The following ADAM22 variants were observed in gnomAD, a reference collection of about 807,000 sequenced individuals.
ADAM22 encodes disintegrin and metalloproteinase domain-containing protein 22.
Under a neutral mutation model 144.6 loss-of-function variants are expected in ADAM22, and 65 were observed. That is an observed-to-expected ratio of 0.45 (90% confidence interval 0.37 to 0.55). The LOEUF (loss-of-function observed/expected upper bound fraction) is 0.55, where lower values mean the gene tolerates loss of function less well. Among genes scored for constraint, ADAM22 ranks in the 20% least tolerant of loss-of-function variants. ADAM22 has a pLI of 0.00. For missense variants in ADAM22, 974 were observed against 1,184.9 expected, an observed-to-expected ratio of 0.82 and a Z score of 2.61; for synonymous variants, 391 against 412.6, an observed-to-expected ratio of 0.95 and a Z score of 0.63.
At chr7:88,186,772 GCTCT>G in intron 30 of ADAM22, 71 bp downstream of exon 30, 4 of 960,018 alleles carry the variant, frequency 4.2e-6, no homozygotes, top group Non-Finnish European at 4.9e-6. Flanking sequence ...AGTGTGACTG[GCTCT>G]CTATCTTGTA....
chr7:88,156,948 G>A (rs1175275691), intron 22 of ADAM22, among the ~76,000 whole-genome samples: 6 of 149,476 alleles, frequency 4.0e-5, no homozygotes, highest in African/African-American at 9.9e-5. Context: ...ACAATGAAGG[G>A]GAAAAAAACA....
intron 23 of ADAM22, among the ~76,000 whole-genome samples, chr7:88,165,469 GGAAGGAAACCTTTGTATTAGATAATT>G (rs1170230913): frequency 1.3e-5 from 2 of 152,142 alleles, no homozygotes; most frequent in Middle Eastern, 3.4e-3. Flanking sequence ...TACTATGGAA[GGAAGGAAACCTTTGTATTAGATAATT>G]GACAGATGAT....
chr7:88,108,669 C>T (rs1462611702), intron 5 of ADAM22, among the ~76,000 whole-genome samples: 1 of 151,794 alleles, frequency 6.6e-6, no homozygotes, highest in Non-Finnish European at 1.5e-5. Flanking sequence ...GTGAAGGTTG[C>T]AGTGAGCCAA....
chr7:88,081,292 C>T (rs1383175392), intron 4 of ADAM22, among the ~76,000 whole-genome samples: 4 of 151,998 alleles, frequency 2.6e-5, no homozygotes, highest in African/African-American at 9.7e-5. Flanking sequence ...ATTCAACAGC[C>T]CTTCATGCTA....
chr7:88,070,654 G>T (rs756921536), intron 3 of ADAM22, among the ~76,000 whole-genome samples: 4 of 150,932 alleles, frequency 2.7e-5, no homozygotes, highest in Non-Finnish European at 5.9e-5. Context: ...GATGTCTCCA[G>T]TTTTTTTTTC....
intron 3 of ADAM22, among the ~76,000 whole-genome samples, chr7:87,991,322 T>C (rs1291900320): frequency 6.6e-6 from 1 of 150,454 alleles, no homozygotes; most frequent in Non-Finnish European, 1.5e-5. Context: ...TATTAAAAAA[T>C]GCCAAAGACT....
At chr7:87,943,914 C>A (rs755645482) in intron 2 of ADAM22, among the ~76,000 whole-genome samples, 1 of 151,938 alleles carries the variant, frequency 6.6e-6, no homozygotes, top group Non-Finnish European at 1.5e-5. Context: ...CCTTTTGTTG[C>A]ATTTTTTGTC....
chr7:88,038,683 G>C (rs1368155806), intron 3 of ADAM22, among the ~76,000 whole-genome samples: 3 of 151,708 alleles, frequency 2.0e-5, no homozygotes, highest in Non-Finnish European at 4.4e-5. Flanking sequence ...TCGATCTCCT[G>C]ACCTCGTGAT....
chr7:87,977,042 G>T (rs1489002594), intron 2 of ADAM22, among the ~76,000 whole-genome samples: 1 of 152,030 alleles, frequency 6.6e-6, no homozygotes, highest in Non-Finnish European at 1.5e-5. Context: ...TTGGGGCTGG[G>T]TATTAGTTGA....
At chr7:88,019,608 G>T (rs1018150726) in intron 3 of ADAM22, among the ~76,000 whole-genome samples, 2 of 152,196 alleles carry the variant, frequency 1.3e-5, no homozygotes, top group African/African-American at 4.8e-5. Flanking sequence ...AGCACTTTGG[G>T]AGGCCAAGGC....
At chr7:88,128,733 C>T (rs1831043598) in intron 9 of ADAM22, 57 bp downstream of exon 9, 2 of 1,364,142 alleles carry the variant, frequency 1.5e-6, no homozygotes, top group Non-Finnish European at 2.1e-6. Flanking sequence ...CTGGTGAGTG[C>T]AAAAATATGT....
chr7:87,955,913 G>A (rs893777092), intron 2 of ADAM22, among the ~76,000 whole-genome samples: 17 of 152,302 alleles, frequency 1.1e-4, no homozygotes, highest in East Asian at 3.9e-4. Flanking sequence ...GACTCCATGG[G>A]CGTAGGACCC....
intron 3 of ADAM22, among the ~76,000 whole-genome samples, chr7:87,984,442 C>T (rs2129450152): frequency 6.6e-6 from 1 of 152,196 alleles, no homozygotes; most frequent in Admixed American, 6.5e-5. Context: ...AGAGAGAAAT[C>T]TTTGATAAAT....
At chr7:88,078,930 A>G (rs1233527133) in intron 4 of ADAM22, among the ~76,000 whole-genome samples, 3 of 152,354 alleles carry the variant, frequency 2.0e-5, no homozygotes, top group East Asian at 3.9e-4. Flanking sequence ...TCTGCAGGAT[A>G]TTATCCAGGA....
At position 88,114,497 on chromosome 7, in the gene ADAM22, G is replaced by A. The variant is rs1306436964; in HGVS notation, c.474-87G>A. The A allele has an allele frequency of 7.3e-6, 9 of 1,239,676 alleles. No individual in the cohort carries two copies. The South Asian group carries it at 1.1e-4, about 15-fold the overall frequency. The allele number at this position is 1,239,676 out of a possible 1,614,324, so 76.8% of individuals were successfully genotyped here. ...GAAATGGGCATTGAGAAGCAAATGG[G>A]CCCTCTGGCTGCTGCTGATTTTAAA... On this transcript the variant is annotated intron_variant, in intron 5 of 31. Transcript: ENST00000413139.
chr7:87,939,571 A>T (rs1368832448), intron 2 of ADAM22, among the ~76,000 whole-genome samples: 7 of 152,240 alleles, frequency 4.6e-5, no homozygotes, highest in African/African-American at 1.7e-4. Flanking sequence ...TTTAAGAATC[A>T]TAAGAACTTA....
intron 4 of ADAM22, among the ~76,000 whole-genome samples, chr7:88,081,355 C>T (rs1816561895): frequency 1.3e-5 from 2 of 152,100 alleles, no homozygotes; most frequent in Admixed American, 1.3e-4. Context: ...ATAATAAGAG[C>T]TATCTATAAC....
rs377543421 is a variant in ADAM22 at position 88,133,088 on chromosome 7, C to G, written c.1077+137C>G. 233 of 701,220 alleles carry G rather than the reference C, an allele frequency of 3.3e-4. 1 individual carries two copies. The South Asian group carries it at 4.3e-3, about 13-fold the overall frequency. 43.4% of individuals were successfully genotyped at this position (701,220 alleles called of 1,614,324 possible). On this transcript the variant is annotated intron_variant, in intron 12 of 31. Coordinates refer to ENST00000413139, the MANE Select transcript of ADAM22 (RefSeq NM_001324418.2). ...ATTACAAATCAGTATGGTGGCCTGGCACAATGGCTTATTTCTGTAATTCCA... is the reference window on the plus strand; with the variant it reads ...ATTACAAATCAGTATGGTGGCCTGGGACAATGGCTTATTTCTGTAATTCCA...
At chr7:88,006,409 G>A (rs1364883145) in intron 3 of ADAM22, among the ~76,000 whole-genome samples, 6 of 151,946 alleles carry the variant, frequency 3.9e-5, no homozygotes, top group African/African-American at 1.5e-4. Flanking sequence ...TATGAGGCCA[G>A]CATCATCCTG....
Sources: gnomAD v4.1 joint callset for allele counts (sites outside exome capture counted in the v4.1 genomes callset) on GRCh38, gnomAD v4.1.1 for gene constraint, MANE v1.5 for transcripts, NCBI Gene and HGNC (gene_info 2026-07-23, HGNC 2026-07-21) for gene names.